Variants in PRKAR1A observed in about 807,000 individuals in gnomAD.
PRKAR1A encodes protein kinase cAMP-dependent type I regulatory subunit alpha.
In PRKAR1A, 3 loss-of-function variants were observed where a neutral mutation model predicts 52.0. The observed-to-expected ratio is 0.06, with a 90% CI of 0.03 to 0.15. The LOEUF (loss-of-function observed/expected upper bound fraction) is 0.15. PRKAR1A is among the 10% of genes least tolerant of loss of function. The pLI, the probability that PRKAR1A is intolerant of heterozygous loss-of-function variation, is 1.00. For missense variants in PRKAR1A, 240 were observed against 477.4 expected (o/e 0.50, Z 4.63); for synonymous variants, 188 against 168.4 (o/e 1.12, Z -0.90).
chr17:68,464,666 C>T, the PRKAR1A span, among the ~76,000 whole-genome samples: 7 of 145,498 alleles, frequency 4.8e-5, no homozygotes, highest in East Asian at 2.0e-4. Context: ...CCTGCCTGGG[C>T]GACAAAGCGA....
chr17:68,502,202 C>T, the PRKAR1A span, among the ~76,000 whole-genome samples: 1 of 152,156 alleles, frequency 6.6e-6, no homozygotes, highest in South Asian at 2.1e-4. Context: ...CACATCTCTT[C>T]CCTGCATGAG....
intron 7 of PRKAR1A, 126 bp downstream of exon 7, chr17:68,526,038 C>T (rs998550105): frequency 1.8e-5 from 22 of 1,218,870 alleles, no homozygotes; most frequent in African/African-American, 2.8e-5. Flanking sequence ...TTTTAATAAG[C>T]GAATATTTTT....
At chr17:68,461,490 TG>T in the PRKAR1A span, among the ~76,000 whole-genome samples, 54 of 152,316 alleles carry the variant, frequency 3.5e-4, 1 homozygote, top group East Asian at 3.3e-3. The surrounding 1 kb of genome is among the most constrained non-coding windows in gnomAD (Gnocchi z 4.6). Context: ...TCACCCCATA[TG>T]GTCATTCATG....
chr17:68,514,851 A>G (rs2085378691), intron 1 of PRKAR1A: 1 of 153,084 alleles, frequency 6.5e-6, no homozygotes, highest in South Asian at 2.0e-4. Context: ...AAAAATTTTG[A>G]TTATGCTAGT....
chr17:68,428,894 T>A, the PRKAR1A span: 1 of 1,614,144 alleles, frequency 6.2e-7, no homozygotes, highest in East Asian at 2.2e-5. Context: ...TATAAAGGTG[T>A]CCACTGGATG....
At chr17:68,464,560 A>T in the PRKAR1A span, among the ~76,000 whole-genome samples, 1 of 152,166 alleles carries the variant, frequency 6.6e-6, no homozygotes, top group East Asian at 1.9e-4. Flanking sequence ...ACGTGCCTGT[A>T]GTCCCAGTTA....
At chr17:68,436,641 G>C in the PRKAR1A span, among the ~76,000 whole-genome samples, 27 of 152,172 alleles carry the variant, frequency 1.8e-4, no homozygotes, top group African/African-American at 6.3e-4. Context: ...TCTGATTAAG[G>C]CTTCCAATAA....
chr17:68,421,669 C>T, the PRKAR1A span: 3 of 1,521,930 alleles, frequency 2.0e-6, no homozygotes, highest in Non-Finnish European at 2.7e-6. Context: ...GGATTCCTGC[C>T]CCCCTTTCTG....
At chr17:68,445,623 T>C in the PRKAR1A span, among the ~76,000 whole-genome samples, 1 of 152,214 alleles carries the variant, frequency 6.6e-6, no homozygotes, top group African/African-American at 2.4e-5. Context: ...ACATGAAAGC[T>C]TGTCAGGTTC....
chr17:68,504,759 A>G, the PRKAR1A span, among the ~76,000 whole-genome samples: 2 of 152,192 alleles, frequency 1.3e-5, no homozygotes, highest in African/African-American at 2.4e-5. Context: ...GAAAGGATGA[A>G]TAAGACATAG....
chr17:68,464,690 A>AAAAAAAAAC, the PRKAR1A span, among the ~76,000 whole-genome samples: 1 of 59,180 alleles, frequency 1.7e-5, no homozygotes, highest in Admixed American at 1.3e-4. Flanking sequence ...TCTGTCTCAA[A>AAAAAAAAAC]AAAAAAAACA....
chr17:68,429,396 G>A, the PRKAR1A span, among the ~76,000 whole-genome samples: 1 of 152,132 alleles, frequency 6.6e-6, no homozygotes, highest in Admixed American at 6.6e-5. Context: ...CCCCATAGGA[G>A]TCCGAACCTA....
chr17:68,461,983 G>A, the PRKAR1A span, among the ~76,000 whole-genome samples: 1 of 152,186 alleles, frequency 6.6e-6, no homozygotes, highest in Admixed American at 6.6e-5. This position sits in a 1 kb window ranked among gnomAD's most constrained non-coding sequence, Gnocchi z 4.6. Flanking sequence ...CATGGCTGCA[G>A]TGAATGAAGA....
At chr17:68,445,960 C>T in the PRKAR1A span, among the ~76,000 whole-genome samples, 4 of 152,124 alleles carry the variant, frequency 2.6e-5, no homozygotes, top group Admixed American at 2.6e-4. Flanking sequence ...CAGGTGATTG[C>T]GATGCACACT....
chr17:68,437,010 A>ATGTGTG, the PRKAR1A span, among the ~76,000 whole-genome samples: 512 of 77,936 alleles, frequency 6.6e-3, 2 homozygotes, highest in East Asian at 0.022. Context: ...AAAAAAATAT[A>ATGTGTG]TATATATGTG....
At chr17:68,469,439 C>T in the PRKAR1A span, among the ~76,000 whole-genome samples, 106,844 of 152,020 alleles carry the variant, frequency 0.7, 37,748 homozygotes, top group South Asian at 0.77. Context: ...TTACTATCTG[C>T]CTCCTCCATC....
the PRKAR1A span, among the ~76,000 whole-genome samples, chr17:68,504,610 C>T: frequency 1.3e-5 from 2 of 152,148 alleles, no homozygotes; most frequent in African/African-American, 4.8e-5. Flanking sequence ...CACATATTCT[C>T]ACTTATTTGT....
In PRKAR1A at chr17:68,530,190, T is replaced by G. The variant is rs186082176; in HGVS notation, c.974-87T>G. ...TAATGAAATTACTGATTGTCTCATA[T>G]CTATTGTCTTCTTTCTCAGAAGTGC... On this transcript the variant is annotated intron_variant, in intron 10 of 10. Coordinates refer to ENST00000589228, the MANE Select transcript of PRKAR1A (RefSeq NM_002734.5). 1.2e-4 allele frequency: 187 copies of G among 1,540,184 alleles called. No individual in the cohort carries two copies. The African/African-American group carries it at 2.3e-3, about 19-fold the overall frequency.
the PRKAR1A span, chr17:68,435,743 T>A: frequency 6.2e-7 from 1 of 1,601,412 alleles, no homozygotes; most frequent in Non-Finnish European, 8.6e-7. Flanking sequence ...TGGATACAGA[T>A]GCTGCGGAGG....
Sources: gnomAD v4.1 joint callset for allele counts (sites outside exome capture counted in the v4.1 genomes callset) on GRCh38, gnomAD v4.1.1 for gene constraint, Gnocchi (gnomAD v3.1) non-coding constraint, MANE v1.5 for transcripts, NCBI Gene and HGNC (gene_info 2026-07-23, HGNC 2026-07-21) for gene names.